Variants in TJAP1 observed in about 807,000 individuals in gnomAD.
TJAP1 encodes tight junction associated protein 1.
A neutral mutation model predicts 42.0 loss-of-function variants in TJAP1; 27 were observed. That is an observed-to-expected ratio of 0.64 (90% CI 0.47 to 0.89). TJAP1 has a LOEUF of 0.89. TJAP1 is among the 40% of genes least tolerant of loss of function. The pLI is 0.00. For missense variants in TJAP1, 712 were observed against 726.9 expected (o/e 0.98, Z 0.24); for synonymous variants, 257 against 288.4 (o/e 0.89, Z 1.10).
rs1372891244 is a variant in TJAP1 at position 43,505,290 on chromosome 6, C to A, written c.1109C>A (p.Ala370Asp). 6.2e-7 allele frequency: 1 copy of A among 1,611,994 alleles called. No individual in the cohort carries two copies. Among genetic ancestry groups the A allele is most frequent in the Non-Finnish European group, 8.5e-7 (1 of 1,179,722 alleles). ...CTGGTAGAGGAGGGGAGTGAGCGGGCCCGCCCCAGCCCAGTGCCCAGCACC... is the reference window on the plus strand; with the variant it reads ...CTGGTAGAGGAGGGGAGTGAGCGGGACCGCCCCAGCCCAGTGCCCAGCACC... Residue 370 changes from alanine (A) to aspartate (D), a missense_variant, in exon 11 of 11, where the codon GCC (alanine) becomes GAC (aspartate). Coordinates refer to ENST00000372449, the Ensembl canonical transcript of TJAP1. This position sits in a 1 kb window ranked among gnomAD's most constrained non-coding sequence, Gnocchi z 5.5.
chr6:43,503,626 C>T (rs367683811), exon 10 of TJAP1: 24 of 1,613,832 alleles, frequency 1.5e-5, no homozygotes, highest in African/African-American at 4.0e-5. Flanking sequence ...TCTGTAGGAG[C>T]GGTACCGGCT....
At chr6:43,498,387 G>T (rs996791673) in intron 3 of TJAP1, among the ~76,000 whole-genome samples, 3 of 151,932 alleles carry the variant, frequency 2.0e-5, no homozygotes. Flanking sequence ...AAAGTGAGAC[G>T]CTGTGTACAA....
intron 2 of TJAP1, among the ~76,000 whole-genome samples, chr6:43,479,421 G>A (rs1784859326): frequency 1.3e-5 from 2 of 152,134 alleles, no homozygotes. Flanking sequence ...CTTTTTCTGA[G>A]GACAATTCGT....
chr6:43,501,279 A>G, intron 5 of TJAP1: 1 of 502,828 alleles, frequency 2.0e-6, no homozygotes. Flanking sequence ...CCGATAGTGA[A>G]GGGAGGCTGG....
chr6:43,480,216 C>G (rs1163721911), intron 2 of TJAP1, among the ~76,000 whole-genome samples: 1 of 152,204 alleles, frequency 6.6e-6, no homozygotes, highest in Non-Finnish European at 1.5e-5. Context: ...ATTTCTGTTT[C>G]ATGGTTGAAC....
chr6:43,478,557 C>A (rs970711878), intron 2 of TJAP1: 1 of 152,268 alleles, frequency 6.6e-6, no homozygotes, highest in African/African-American at 2.4e-5. Context: ...ATCCCCATCA[C>A]TTCTTCACTT....
At chr6:43,504,588 G>T in intron 10 of TJAP1, 173 bp from the exon 11 acceptor site, 1 of 834,058 alleles carries the variant, frequency 1.2e-6, no homozygotes, top group Non-Finnish European at 1.9e-6. Flanking sequence ...CCCTCTCCAG[G>T]CCTATGTGTC....
In TJAP1 at chr6:43,501,759, CTCTCTCT is replaced by C. The variant is rs533190565; in HGVS notation, c.290+73_290+79del. 291 of 613,494 alleles carry C rather than the reference CTCTCTCT, an allele frequency of 4.7e-4. 3 individuals carry two copies. The highest frequency in any genetic ancestry group is 4.5e-3 in the South Asian group (266 of 58,954). 38.0% of individuals were successfully genotyped at this position (613,494 alleles called of 1,614,324 possible). A position where few individuals can be genotyped will look rare whatever the true frequency, so the allele number is the denominator to read the frequency against. Reference sequence around the variant, plus strand: ...ACACACACACACACACACACACACACTCTCTCTGTCTCTCTCTCTCTCTGTGTCTCTG... The same window carrying C: ...ACACACACACACACACACACACACACGTCTCTCTCTCTCTCTGTGTCTCTG... On this transcript the variant is annotated intron_variant, in intron 6 of 10. Transcript: ENST00000372449.
chr6:43,500,587 A>G, intron 4 of TJAP1, 157 bp from the exon 5 acceptor site: 1 of 719,020 alleles, frequency 1.4e-6, no homozygotes, highest in South Asian at 1.7e-5. Flanking sequence ...TCCCAGCATT[A>G]CTGAATTGCT....
At chr6:43,498,411 G>A (rs1789727614) in intron 3 of TJAP1, among the ~76,000 whole-genome samples, 1 of 152,072 alleles carries the variant, frequency 6.6e-6, no homozygotes, top group South Asian at 2.1e-4. Flanking sequence ...ATAGCCAGGT[G>A]CAGTGGCACA....
chr6:43,502,110 T>TCTCTCTCTCC, intron 6 of TJAP1, among the ~76,000 whole-genome samples, 173 bp from the exon 7 acceptor site: 1 of 149,358 alleles, frequency 6.7e-6, no homozygotes, highest in African/African-American at 2.5e-5. Flanking sequence ...TCTCTCTCTC[T>TCTCTCTCTCC]CCTTTCATAG....
rs368924245 is a variant in TJAP1 at position 43,505,473 on chromosome 6, G to A, written c.1292G>A (p.Arg431His). The stretch of plus-strand genomic sequence containing the variant: ...CCACCACCTGCTGCTGTGGCCCAGC[G>A]CACAGCCTTTGGACGCGATGCCCTC... Residue 431 changes from arginine to histidine, a missense_variant, in exon 11 of 11, where the codon CGC (arginine) becomes CAC (histidine). Coordinates refer to ENST00000372449, the Ensembl canonical transcript of TJAP1. The surrounding 1 kb of genome is among the most constrained non-coding windows in gnomAD (Gnocchi z 5.5). 26 of 1,613,424 alleles carry A rather than the reference G, an allele frequency of 1.6e-5. No individual in the cohort carries two copies. Among genetic ancestry groups the A allele is most frequent in the East Asian group, 4.5e-5 (2 of 44,896 alleles).
At chr6:43,477,673 G>C (rs1456806149) in intron 1 of TJAP1, 45 bp downstream of exon 1, 1 of 152,574 alleles carries the variant, frequency 6.6e-6, no homozygotes, top group African/African-American at 2.4e-5. Context: ...GCCAGAGTTG[G>C]GGAGGATTGC....
rs1215830558 is a variant in TJAP1 at position 43,491,596 on chromosome 6, G to A, written c.-121-6285G>A. ...TGAGCCACTGTGCCTGGCCCGATGA[G>A]AAATATCTTGATGAAAATGCACTAC... On this transcript the variant is annotated intron_variant, in intron 2 of 10. Coordinates refer to ENST00000372449, the Ensembl canonical transcript of TJAP1. This position sits in a 1 kb window ranked among gnomAD's most constrained non-coding sequence, Gnocchi z 4.6. 3.9e-5 allele frequency among the ~76,000 whole-genome samples: 6 copies of A among 152,108 alleles called. No homozygotes were observed. The highest frequency in any genetic ancestry group is 8.8e-5 in the Non-Finnish European group (6 of 68,034).
At chr6:43,504,824 C>G (rs1437249468) in exon 11 of TJAP1, 1 of 1,614,242 alleles carries the variant, frequency 6.2e-7, no homozygotes, top group South Asian at 1.1e-5. Flanking sequence ...GGCCGCCAGC[C>G]CAGGTCCTGC....
intron 2 of TJAP1, among the ~76,000 whole-genome samples, chr6:43,494,597 T>G: frequency 6.8e-6 from 1 of 146,332 alleles, no homozygotes. Flanking sequence ...CCTCAAGGCT[T>G]AGGTTTAGTT....
intron 3 of TJAP1, 185 bp from the exon 4 acceptor site, chr6:43,498,793 C>T: frequency 3.7e-6 from 2 of 534,688 alleles, no homozygotes; most frequent in South Asian, 2.0e-5. Flanking sequence ...CCCTCCAGCA[C>T]TCCTTTGACC....
chr6:43,487,614 A>C (rs112890091), intron 2 of TJAP1, among the ~76,000 whole-genome samples: 2,801 of 152,170 alleles, frequency 0.018, 35 homozygotes, highest in South Asian at 0.039. Flanking sequence ...ATAAGCATCA[A>C]AGGAAATATC....
intron 5 of TJAP1, 55 bp downstream of exon 5, chr6:43,500,827 C>T: frequency 6.3e-7 from 1 of 1,599,446 alleles, no homozygotes; most frequent in Non-Finnish European, 8.6e-7. Flanking sequence ...CCTCTTAGCT[C>T]CAGGCTAGAC....
Sources: gnomAD v4.1 joint callset for allele counts (sites outside exome capture counted in the v4.1 genomes callset) on GRCh38, gnomAD v4.1.1 for gene constraint, Gnocchi (gnomAD v3.1) non-coding constraint, MANE v1.5 for transcripts, NCBI Gene and HGNC (gene_info 2026-07-23, HGNC 2026-07-21) for gene names.